Variants in LRP1B observed in about 807,000 individuals in gnomAD.
LRP1B encodes low-density lipoprotein receptor-related protein 1B.
In LRP1B, 217 loss-of-function variants were observed where a neutral mutation model predicts 556.6. That is an observed-to-expected ratio of 0.39 (90% CI 0.35 to 0.44). LRP1B has a LOEUF of 0.44. Ranked by LOEUF, LRP1B falls within the 20% of genes least tolerant of loss-of-function variation. The probability of loss-of-function intolerance (pLI) is 1.00; values close to 1 mark genes in which losing one functional copy is unlikely to be tolerated. For missense variants in LRP1B, 5,053 were observed against 5,620.8 expected, an observed-to-expected ratio of 0.90 and a Z score of 3.23; for synonymous variants, 2,047 against 1,865.8, an observed-to-expected ratio of 1.10 and a Z score of -2.50.
chr2:141,745,287 C>T (rs536358211), intron 2 of LRP1B, among the ~76,000 whole-genome samples: 1 of 152,268 alleles, frequency 6.6e-6, no homozygotes, highest in East Asian at 1.9e-4. Context: ...TGAATTCCCC[C>T]ATGCCCCAAG....
At position 140,921,883 on chromosome 2, in the gene LRP1B, G is replaced by A. The variant is rs112438423; in HGVS notation, c.3319+1082C>T. 6.8e-3 allele frequency among the ~76,000 whole-genome samples: 1,030 copies of A among 151,072 alleles called. 9 individuals are homozygous for A. Among genetic ancestry groups the A allele is most frequent in the African/African-American group, 0.023 (931 of 40,976 alleles). On this transcript the variant is annotated intron_variant, in intron 21 of 90. Transcript: ENST00000389484. ...TACCTTTAAATGTACATCAGCCCCC[G>A]TGGCTTTCACAGTGTTTTCTTACAC...
At chr2:140,832,700 G>C (rs531698801) in intron 31 of LRP1B, among the ~76,000 whole-genome samples, 22 of 152,280 alleles carry the variant, frequency 1.4e-4, no homozygotes, top group Non-Finnish European at 3.1e-4. Flanking sequence ...TAGATCTCTT[G>C]TGGGTAGAGA....
At position 140,994,351 on chromosome 2, in the gene LRP1B, A is replaced by G. The variant is rs1290959736; in HGVS notation, c.2504-216T>C. Among the ~76,000 whole-genome samples the G allele has an allele frequency of 2.0e-5, 3 of 151,046 alleles. No homozygotes were observed. In the East Asian group the frequency reaches 5.9e-4, roughly 30 times the overall value. ...CAGAATTTCCTTTTTCTAAAGGCCGAGTAATATTCCATTATATATGTAGGT... is the reference window on the plus strand; with the variant it reads ...CAGAATTTCCTTTTTCTAAAGGCCGGGTAATATTCCATTATATATGTAGGT... On this transcript the variant is annotated intron_variant, in intron 15 of 90. Transcript: ENST00000389484.
chr2:141,519,369 A>ATATG (rs1684446927), intron 2 of LRP1B, among the ~76,000 whole-genome samples: 1 of 16,762 alleles, frequency 6.0e-5, no homozygotes, highest in South Asian at 2.6e-3. Context: ...TGATATATAT[A>ATATG]TATATATATA....
intron 3 of LRP1B, among the ~76,000 whole-genome samples, chr2:141,383,075 T>C (rs997831531): frequency 1.3e-5 from 2 of 152,168 alleles, no homozygotes; most frequent in Non-Finnish European, 2.9e-5. Context: ...TGAATATACA[T>C]TTTCCAAAGA....
At chr2:141,543,518 CA>C (rs377085694) in intron 2 of LRP1B, among the ~76,000 whole-genome samples, 20 of 91,260 alleles carry the variant, frequency 2.2e-4, no homozygotes, top group Admixed American at 5.2e-4. Context: ...GACCCTGTCT[CA>C]AAAAAAAAAA....
chr2:141,230,635 C>T (rs932285386), intron 5 of LRP1B, among the ~76,000 whole-genome samples: 3 of 152,174 alleles, frequency 2.0e-5, no homozygotes, highest in African/African-American at 7.2e-5. Flanking sequence ...ACTACTCTTA[C>T]TCTTGTTCGT....
At chr2:140,487,804 A>C in intron 57 of LRP1B, 65 bp from the exon 58 acceptor site, 1 of 1,103,572 alleles carries the variant, frequency 9.1e-7, no homozygotes, top group Non-Finnish European at 1.3e-6. Context: ...ATGTTTTAGG[A>C]GTTTACAGGA....
chr2:140,900,206 A>G (rs1273204449), intron 23 of LRP1B, among the ~76,000 whole-genome samples: 1 of 152,220 alleles, frequency 6.6e-6, no homozygotes, highest in East Asian at 1.9e-4. Flanking sequence ...TTATTCTAAC[A>G]TTAAACATAA....
At chr2:141,431,062 G>A (rs1028895178) in intron 3 of LRP1B, among the ~76,000 whole-genome samples, 1 of 152,008 alleles carries the variant, frequency 6.6e-6, no homozygotes. Flanking sequence ...CTTGAGCCCA[G>A]GAGGTTGAGG....
chr2:141,862,656 A>T lies in LRP1B; in HGVS notation c.83-52255T>A, dbSNP rs531933295. On this transcript the variant is annotated intron_variant, in intron 1 of 90. Transcript: ENST00000389484. The stretch of plus-strand genomic sequence containing the variant: ...ACTCCCGACCTCGTGATCCACCTGC[A>T]TTGGCCTCCCAAAGTGCTGGGATTA... 3.9e-5 allele frequency among the ~76,000 whole-genome samples: 6 copies of T among 152,212 alleles called. No homozygotes were observed. The East Asian group carries it at 1.2e-3, about 29-fold the overall frequency.
rs572881908 is a variant in LRP1B, at chr2:141,931,286, A to G, written c.83-120885T>C. 5.3e-5 allele frequency among the ~76,000 whole-genome samples: 8 copies of G among 152,152 alleles called. No individual in the cohort carries two copies. In the South Asian group the frequency reaches 1.7e-3, roughly 32 times the overall value. On this transcript the variant is annotated intron_variant, in intron 1 of 90. Transcript: ENST00000389484. ...GAGAAAGATACACATCGTAGGGTGT[A>G]TGAGCCTACAATCTAATGGTGTGTA...
chr2:140,423,715 A>C (rs1180405922), intron 66 of LRP1B, among the ~76,000 whole-genome samples: 2 of 152,166 alleles, frequency 1.3e-5, no homozygotes, highest in African/African-American at 4.8e-5. Context: ...TAACACATAG[A>C]GCTAGAGCTT....
chr2:141,103,522 T>TTCTC (rs61008140), intron 7 of LRP1B, among the ~76,000 whole-genome samples: 3 of 149,026 alleles, frequency 2.0e-5, no homozygotes, highest in East Asian at 2.0e-4. Context: ...AGCACACACA[T>TTCTC]TCTCTCTCTC....
At chr2:141,680,296 T>C (rs763575243) in intron 2 of LRP1B, among the ~76,000 whole-genome samples, 1 of 152,094 alleles carries the variant, frequency 6.6e-6, no homozygotes, top group Non-Finnish European at 1.5e-5. Flanking sequence ...AAGAAAGAAG[T>C]CATTGCTTTA....
intron 3 of LRP1B, among the ~76,000 whole-genome samples, chr2:141,355,303 A>G (rs1688586385): frequency 6.6e-6 from 1 of 152,120 alleles, no homozygotes; most frequent in South Asian, 2.1e-4. Context: ...TAATATTTTC[A>G]TTGAGAAATA....
At chr2:140,297,716 G>A in intron 84 of LRP1B, 92 bp downstream of exon 84, 1 of 1,384,262 alleles carries the variant, frequency 7.2e-7, no homozygotes, top group South Asian at 1.4e-5. Flanking sequence ...ATAGAGGATG[G>A]CTAAAATTAA....
chr2:140,815,328 G>T (rs1553538546), intron 31 of LRP1B, among the ~76,000 whole-genome samples: 2 of 151,738 alleles, frequency 1.3e-5, no homozygotes, highest in Admixed American at 6.6e-5. Flanking sequence ...TTTCCTGAGA[G>T]TTGGGGTCTC....
chr2:141,812,111 A>G (rs891887494), intron 1 of LRP1B, among the ~76,000 whole-genome samples: 8 of 152,164 alleles, frequency 5.3e-5, no homozygotes, highest in Non-Finnish European at 1.2e-4. Flanking sequence ...TTTCCCCATC[A>G]AACAGTGGTG....
Sources: gnomAD v4.1 joint callset for allele counts (sites outside exome capture counted in the v4.1 genomes callset) on GRCh38, gnomAD v4.1.1 for gene constraint, MANE v1.5 for transcripts, NCBI Gene and HGNC (gene_info 2026-07-23, HGNC 2026-07-21) for gene names.